Variants in GRIA1 observed in about 807,000 individuals in gnomAD.
GRIA1 encodes the protein glutamate receptor 1.
Under a neutral mutation model 99.2 loss-of-function variants are expected in GRIA1, and 31 were observed. The ratio of observed to expected loss-of-function variants is 0.31; its 90% CI spans 0.23 to 0.42. The LOEUF (loss-of-function observed/expected upper bound fraction) is 0.42, where lower values mean the gene tolerates loss of function less well. Ranked by LOEUF, GRIA1 falls within the 10% of genes least tolerant of loss-of-function variation. The pLI is 1.00. For missense variants in GRIA1, 782 were observed against 1,157.5 expected, an observed-to-expected ratio of 0.68 and a Z score of 4.71; for synonymous variants, 438 against 432.4, an observed-to-expected ratio of 1.01 and a Z score of -0.16.
intron 11 of GRIA1, chr5:153,755,297 G>A (rs1762754167): frequency 6.6e-6 from 1 of 152,222 alleles, no homozygotes; most frequent in Non-Finnish European, 1.5e-5. Flanking sequence ...AGGTGGCCTT[G>A]TACAGCTGGG....
At chr5:153,786,963 G>T (rs1167794058) in intron 13 of GRIA1, among the ~76,000 whole-genome samples, 1 of 152,148 alleles carries the variant, frequency 6.6e-6, no homozygotes, top group African/African-American at 2.4e-5. Context: ...AATTCCAAAG[G>T]TCATTTCATC....
chr5:153,497,443 A>G (rs1754550484), intron 2 of GRIA1, among the ~76,000 whole-genome samples: 1 of 152,190 alleles, frequency 6.6e-6, no homozygotes, highest in Non-Finnish European at 1.5e-5. Flanking sequence ...TTCATTCAGC[A>G]AGTACATACT....
intron 13 of GRIA1, among the ~76,000 whole-genome samples, chr5:153,771,752 A>C (rs78816925): frequency 0.025 from 3,804 of 152,324 alleles, 82 homozygotes; most frequent in African/African-American, 0.059. Flanking sequence ...GAAAAAACAA[A>C]TCAAAACTAG....
At chr5:153,524,224 G>A (rs1302703250) in intron 2 of GRIA1, among the ~76,000 whole-genome samples, 2 of 152,194 alleles carry the variant, frequency 1.3e-5, no homozygotes, top group Non-Finnish European at 2.9e-5. Context: ...CTACTCAGGA[G>A]GCTGAGGCAG....
At chr5:153,559,781 A>G (rs1760961046) in intron 2 of GRIA1, among the ~76,000 whole-genome samples, 1 of 152,186 alleles carries the variant, frequency 6.6e-6, no homozygotes, top group Non-Finnish European at 1.5e-5. Context: ...ATTGTTAACC[A>G]AAACATCATT....
At chr5:153,676,059 G>A (rs970692435) in intron 6 of GRIA1, among the ~76,000 whole-genome samples, 6 of 152,160 alleles carry the variant, frequency 3.9e-5, no homozygotes, top group East Asian at 1.9e-4. Context: ...GGGTTTCACC[G>A]TGTTAGCCAG....
intron 2 of GRIA1, among the ~76,000 whole-genome samples, chr5:153,620,384 C>A (rs1036029780): frequency 6.6e-6 from 1 of 151,918 alleles, no homozygotes; most frequent in African/African-American, 2.4e-5. Context: ...AAAGGAACAC[C>A]AAATCATTTG....
chr5:153,625,225 G>A (rs894185320), intron 2 of GRIA1, among the ~76,000 whole-genome samples: 2 of 152,130 alleles, frequency 1.3e-5, no homozygotes, highest in Non-Finnish European at 2.9e-5. Context: ...GAGAAACATA[G>A]CCCAGGAATG....
chr5:153,797,252 T>C (rs1341033223), intron 14 of GRIA1, among the ~76,000 whole-genome samples: 21 of 152,224 alleles, frequency 1.4e-4, no homozygotes, highest in Non-Finnish European at 3.1e-4. Context: ...CAGTGACTTC[T>C]AGGTGAATCT....
chr5:153,552,286 C>T (rs1428060805), intron 2 of GRIA1, among the ~76,000 whole-genome samples: 1 of 152,126 alleles, frequency 6.6e-6, no homozygotes, highest in African/African-American at 2.4e-5. Context: ...TACTGGACTC[C>T]CATCTTTAAG....
chr5:153,609,940 G>T (rs76432256), intron 2 of GRIA1, among the ~76,000 whole-genome samples: 1 of 151,948 alleles, frequency 6.6e-6, no homozygotes, highest in African/African-American at 2.4e-5. Flanking sequence ...GCATGATATG[G>T]TTGGTAAATG....
At chr5:153,719,349 A>C (rs1426914587) in intron 11 of GRIA1, among the ~76,000 whole-genome samples, 1 of 152,038 alleles carries the variant, frequency 6.6e-6, no homozygotes, top group Non-Finnish European at 1.5e-5. Flanking sequence ...CATGGATTTC[A>C]TGGGTCAGGA....
intron 2 of GRIA1, among the ~76,000 whole-genome samples, chr5:153,639,046 G>T (rs1246409188): frequency 6.6e-6 from 1 of 152,210 alleles, no homozygotes; most frequent in East Asian, 1.9e-4. Context: ...CTGGAACTCA[G>T]TGAACTCACT....
intron 11 of GRIA1, among the ~76,000 whole-genome samples, chr5:153,708,614 G>T (rs1017600036): frequency 1.3e-5 from 2 of 152,188 alleles, no homozygotes; most frequent in African/African-American, 4.8e-5. Context: ...CACAGGAAGC[G>T]CTATAACTGG....
chr5:153,490,998 A>T, intron 1 of GRIA1, 28 bp downstream of exon 1: 1 of 1,599,582 alleles, frequency 6.3e-7, no homozygotes, highest in Non-Finnish European at 8.6e-7. Flanking sequence ...CTGGGGAGGG[A>T]CTTTCTGGGT....
chr5:153,649,440 T>TTAG (rs1561727562), intron 3 of GRIA1, among the ~76,000 whole-genome samples: 5,325 of 146,848 alleles, frequency 0.036, 111 homozygotes, highest in Middle Eastern at 0.076. Context: ...TATTTATTTA[T>TTAG]TTAGTTAGTT....
At chr5:153,618,127 A>G (rs1335071066) in intron 2 of GRIA1, among the ~76,000 whole-genome samples, 1 of 152,214 alleles carries the variant, frequency 6.6e-6, no homozygotes, top group Non-Finnish European at 1.5e-5. Flanking sequence ...TAATTTGACG[A>G]AGGTGGAAAT....
intron 11 of GRIA1, among the ~76,000 whole-genome samples, chr5:153,710,104 T>G (rs1759202871): frequency 6.6e-6 from 1 of 152,118 alleles, no homozygotes; most frequent in South Asian, 2.1e-4. Flanking sequence ...TAACCCATTT[T>G]AACAGTGAAA....
At chr5:153,648,522 T>A (rs1199523493) in intron 3 of GRIA1, among the ~76,000 whole-genome samples, 1 of 152,154 alleles carries the variant, frequency 6.6e-6, no homozygotes, top group Admixed American at 6.6e-5. Context: ...AAGCCTCAAT[T>A]TCCACACTAT....
Sources: gnomAD v4.1 joint callset for allele counts (sites outside exome capture counted in the v4.1 genomes callset) on GRCh38, gnomAD v4.1.1 for gene constraint, MANE v1.5 for transcripts, NCBI Gene and HGNC (gene_info 2026-07-23, HGNC 2026-07-21) for gene names.